The following CHN2 variants were observed in gnomAD, a reference collection of about 807,000 sequenced individuals.
CHN2 encodes the protein chimerin 2, also known as beta-chimaerin.
In CHN2, 35 loss-of-function variants were observed where a neutral mutation model predicts 56.3. The observed-to-expected ratio is 0.62, with a 90% CI of 0.47 to 0.82. The LOEUF is 0.82. Ranked by LOEUF, CHN2 falls within the 40% of genes least tolerant of loss-of-function variation. The pLI, the probability that CHN2 is intolerant of heterozygous loss-of-function variation, is 0.00. For missense variants in CHN2, 491 were observed against 580.5 expected, an observed-to-expected ratio of 0.85 and a Z score of 1.58; for synonymous variants, 210 against 212.8, an observed-to-expected ratio of 0.99 and a Z score of 0.12.
chr7:29,249,102 TG>T (rs1788294053), intron 1 of CHN2, among the ~76,000 whole-genome samples: 1 of 152,168 alleles, frequency 6.6e-6, no homozygotes, highest in Admixed American at 6.6e-5. Flanking sequence ...GTGATTTATT[TG>T]GGGGATTGGC....
At chr7:29,373,672 G>A (rs1295315022) in intron 3 of CHN2, among the ~76,000 whole-genome samples, 4 of 152,088 alleles carry the variant, frequency 2.6e-5, no homozygotes, top group East Asian at 1.9e-4. Context: ...GTAAACCTTC[G>A]AAAGCATTCC....
chr7:29,261,176 C>T (rs1271292787), intron 1 of CHN2, among the ~76,000 whole-genome samples: 2 of 152,182 alleles, frequency 1.3e-5, no homozygotes, highest in Non-Finnish European at 2.9e-5. Context: ...TCCTATTATT[C>T]TCCAAACAAC....
chr7:29,372,224 GA>G (rs1241900522), intron 3 of CHN2, among the ~76,000 whole-genome samples: 2 of 151,254 alleles, frequency 1.3e-5, no homozygotes, highest in Admixed American at 1.3e-4. Context: ...AAGAAAGAAA[GA>G]AAAAGAAAAA....
At chr7:29,196,788 A>C (rs1321723849) in intron 1 of CHN2, among the ~76,000 whole-genome samples, 6 of 152,242 alleles carry the variant, frequency 3.9e-5, no homozygotes, top group Non-Finnish European at 8.8e-5. Flanking sequence ...TTGAAACAAC[A>C]CAGTATGAGA....
At chr7:29,309,774 A>G (rs1348186792) in intron 1 of CHN2, among the ~76,000 whole-genome samples, 1 of 152,244 alleles carries the variant, frequency 6.6e-6, no homozygotes, top group African/African-American at 2.4e-5. Flanking sequence ...GTAGGGCTCC[A>G]AGGGAGGTGC....
chr7:29,195,715 A>G (rs1243664309), intron 1 of CHN2, among the ~76,000 whole-genome samples: 1 of 151,992 alleles, frequency 6.6e-6, no homozygotes, highest in Non-Finnish European at 1.5e-5. Context: ...TTCACTAGCA[A>G]GGCATGCATT....
At chr7:29,190,773 G>A (rs1219800407), upstream of CHN2, among the ~76,000 whole-genome samples, 1 of 152,134 alleles carries the variant, frequency 6.6e-6, no homozygotes, top group East Asian at 1.9e-4. Flanking sequence ...AGCTACTAAC[G>A]TGGAAAGGAA....
chr7:29,231,053 A>G (rs1786660343), intron 1 of CHN2, among the ~76,000 whole-genome samples: 4 of 152,184 alleles, frequency 2.6e-5, no homozygotes, highest in Admixed American at 2.0e-4. Context: ...CCTTTTTTCC[A>G]GCATACCAGA....
intron 6 of CHN2, among the ~76,000 whole-genome samples, chr7:29,404,353 A>G (rs754400273): frequency 1.3e-5 from 2 of 152,242 alleles, no homozygotes; most frequent in Non-Finnish European, 2.9e-5. Context: ...TTCAATAAAT[A>G]TGGTTTGTCA....
At chr7:29,404,405 A>T (rs61117980) in intron 6 of CHN2, among the ~76,000 whole-genome samples, 3,660 of 152,292 alleles carry the variant, frequency 0.024, 154 homozygotes, top group African/African-American at 0.084. Flanking sequence ...AAAATGATCC[A>T]TGCCCTTAAA....
chr7:29,374,587 G>A (rs1187345688), intron 3 of CHN2, among the ~76,000 whole-genome samples: 1 of 152,132 alleles, frequency 6.6e-6, no homozygotes, highest in Non-Finnish European at 1.5e-5. Context: ...GCTTGGGTAA[G>A]GGCTGTTGAG....
chr7:29,176,358 GAAAAAGAAAAAAAAATGCC>G (rs1797342059), intron 2 of CHN2, among the ~76,000 whole-genome samples: 1 of 151,402 alleles, frequency 6.6e-6, no homozygotes, highest in African/African-American at 2.4e-5. Context: ...AAACAGAGAG[GAAAAAGAAAAAAAAATGCC>G]AAAAAGAAAT....
intron 1 of CHN2, among the ~76,000 whole-genome samples, chr7:29,270,492 TAA>T (rs869244337): frequency 1.6e-4 from 17 of 105,362 alleles, no homozygotes; most frequent in Non-Finnish European, 1.5e-4. Flanking sequence ...CCATCTCTAC[TAA>T]AAAAAAAAAA....
chr7:29,170,446 A>G (rs1185567008), intron 2 of CHN2, among the ~76,000 whole-genome samples: 1 of 152,134 alleles, frequency 6.6e-6, no homozygotes, highest in African/African-American at 2.4e-5. Flanking sequence ...AATACTGCAC[A>G]TGTTAGATTT....
intron 9 of CHN2, among the ~76,000 whole-genome samples, chr7:29,503,749 A>G (rs529081748): frequency 8.3e-4 from 127 of 152,358 alleles, no homozygotes; most frequent in African/African-American, 2.7e-3. Flanking sequence ...ATGAAAAAAC[A>G]GGAGAATATG....
chr7:29,224,885 T>C (rs1786074321), intron 1 of CHN2, among the ~76,000 whole-genome samples: 1 of 152,136 alleles, frequency 6.6e-6, no homozygotes, highest in South Asian at 2.1e-4. Context: ...TTTACCTTAG[T>C]AGAAAGGAAT....
intron 7 of CHN2, among the ~76,000 whole-genome samples, chr7:29,492,548 T>A (rs1427454590): frequency 1.3e-5 from 2 of 152,210 alleles, no homozygotes; most frequent in Non-Finnish European, 2.9e-5. Context: ...TCTTCTGCAT[T>A]TCCAGTCTCT....
chr7:29,431,205 C>T (rs1191858251), intron 6 of CHN2, among the ~76,000 whole-genome samples: 1 of 152,138 alleles, frequency 6.6e-6, no homozygotes, highest in African/African-American at 2.4e-5. Context: ...CTGTTATGCC[C>T]CCTGACTTTT....
At chr7:29,347,083 G>C (rs1483441306) in intron 1 of CHN2, among the ~76,000 whole-genome samples, 1 of 152,110 alleles carries the variant, frequency 6.6e-6, no homozygotes, top group Non-Finnish European at 1.5e-5. Flanking sequence ...AGTCTCATCT[G>C]TGAGTTTTCT....
Sources: gnomAD v4.1 joint callset for allele counts (sites outside exome capture counted in the v4.1 genomes callset) on GRCh38, gnomAD v4.1.1 for gene constraint, MANE v1.5 for transcripts, NCBI Gene and HGNC (gene_info 2026-07-23, HGNC 2026-07-21) for gene names.